Variants in PHF21A observed in about 807,000 individuals in gnomAD.
The protein encoded by PHF21A is BHC80a.
Under a neutral mutation model 82.5 loss-of-function variants are expected in PHF21A, and 11 were observed. The ratio of observed to expected loss-of-function variants is 0.13; its 90% CI spans 0.08 to 0.22. The LOEUF (loss-of-function observed/expected upper bound fraction) is 0.22, where lower values mean the gene tolerates loss of function less well. Ranked by LOEUF, PHF21A falls within the 10% of genes least tolerant of loss-of-function variation. The pLI is 1.00. For missense variants in PHF21A, 579 were observed against 837.8 expected (o/e 0.69, Z 3.81); for synonymous variants, 297 against 302.8 (o/e 0.98, Z 0.20).
At chr11:46,079,099 T>C in intron 5 of PHF21A, 35 bp downstream of exon 5, 1 of 1,321,252 alleles carries the variant, frequency 7.6e-7, no homozygotes, top group Non-Finnish European at 1.1e-6. Flanking sequence ...TATTTTTAAA[T>C]TTAACAATTA....
chr11:45,980,540 C>T lies in PHF21A; in HGVS notation c.154-574G>A, dbSNP rs982840446. 8.1e-4 allele frequency among the ~76,000 whole-genome samples: 124 copies of T among 152,206 alleles called. 1 individual carries two copies. The highest frequency in any genetic ancestry group is 3.0e-3 in the African/African-American group (123 of 41,510). On this transcript the variant is annotated intron_variant, in intron 6 of 18. Coordinates refer to ENST00000676320, the MANE Select transcript of PHF21A (RefSeq NM_001352027.3). ...AGAGATAGTGTCTCTCTATACTGCC[C>T]AGGTTGGAGTACAGTAGCTATTCAC...
At chr11:45,946,211 G>T in intron 14 of PHF21A, 1 of 1,101,640 alleles carries the variant, frequency 9.1e-7, no homozygotes, top group Non-Finnish European at 1.4e-6. Flanking sequence ...TGACTCTCAA[G>T]AGAAGGGAGG....
At chr11:46,044,168 T>G (rs1292033547) in intron 6 of PHF21A, among the ~76,000 whole-genome samples, 2 of 152,078 alleles carry the variant, frequency 1.3e-5, no homozygotes, top group Non-Finnish European at 2.9e-5. Flanking sequence ...TAGCAACTAT[T>G]AACACAAGAC....
rs1266201391 is a variant in PHF21A at position 45,974,351 on chromosome 11, A to G, written c.361-2984T>C. Among the ~76,000 whole-genome samples the G allele has an allele frequency of 2.6e-5, 4 of 152,144 alleles. No individual in the cohort carries two copies. The East Asian group carries it at 7.7e-4, about 29-fold the overall frequency. On this transcript the variant is annotated intron_variant, in intron 7 of 18. Coordinates refer to ENST00000676320, the MANE Select transcript of PHF21A (RefSeq NM_001352027.3). Reference sequence around the variant, plus strand: ...TTTAGAACTTTGAAATCCAAGTCTAATTAAAATGTCTGAACTGTTCTGGAA... The same window carrying G: ...TTTAGAACTTTGAAATCCAAGTCTAGTTAAAATGTCTGAACTGTTCTGGAA...
At chr11:45,943,511 AG>A (rs1385378801) in intron 15 of PHF21A, among the ~76,000 whole-genome samples, 1 of 152,122 alleles carries the variant, frequency 6.6e-6, no homozygotes, top group Non-Finnish European at 1.5e-5. Context: ...CAACTGCAAA[AG>A]CCTCCTAACT....
At chr11:45,940,051 C>G (rs1340670515) in intron 15 of PHF21A, among the ~76,000 whole-genome samples, 1 of 152,138 alleles carries the variant, frequency 6.6e-6, no homozygotes, top group Non-Finnish European at 1.5e-5. Flanking sequence ...CCTCCACCAC[C>G]ACTAGTGAAG....
intron 6 of PHF21A, among the ~76,000 whole-genome samples, chr11:46,016,673 A>G (rs1417666569): frequency 6.6e-6 from 1 of 152,072 alleles, no homozygotes; most frequent in East Asian, 1.9e-4. Flanking sequence ...TTTGTAGCTT[A>G]TGTTTTTCTC....
rs2135464779 is a variant in PHF21A, at chr11:45,949,424, C to T, written c.1205G>A (p.Ser402Asn). 1 of 1,614,216 alleles carries T rather than the reference C, an allele frequency of 6.2e-7. No homozygotes were observed. The change falls in exon 13 of 19, where the codon AGT becomes AAT. Residue 402 changes from serine (S) to asparagine (N), a missense_variant. Ser to Asn is a conservative substitution (Grantham distance 46). Coordinates refer to ENST00000676320, the MANE Select transcript of PHF21A (RefSeq NM_001352027.3). ...KRRTTANPVYSGAVFEPERKK... is the reference protein window; with the variant it reads ...KRRTTANPVYNGAVFEPERKK... Reference sequence around the variant, plus strand: ...TACCTCTGGCTCAAAGACTGCTCCACTGTAGACCGGATTTGCTGTTGTTCT... The same window carrying T: ...TACCTCTGGCTCAAAGACTGCTCCATTGTAGACCGGATTTGCTGTTGTTCT...
chr11:45,985,975 T>C (rs1331730441), intron 6 of PHF21A, among the ~76,000 whole-genome samples: 1 of 152,126 alleles, frequency 6.6e-6, no homozygotes, highest in Non-Finnish European at 1.5e-5. Flanking sequence ...TAAAATTCTC[T>C]GCATGGATGT....
chr11:46,042,219 C>A (rs937473373), intron 6 of PHF21A, among the ~76,000 whole-genome samples: 1 of 152,118 alleles, frequency 6.6e-6, no homozygotes, highest in Non-Finnish European at 1.5e-5. Flanking sequence ...TGTGGGAAAG[C>A]CACATGACAA....
At chr11:46,080,449 G>A (rs926913832) in intron 4 of PHF21A, among the ~76,000 whole-genome samples, 15 of 151,504 alleles carry the variant, frequency 9.9e-5, no homozygotes, top group African/African-American at 3.4e-4. Flanking sequence ...TGAGCCACCC[G>A]CCCTAACTTC....
At chr11:45,985,928 G>A (rs939361146) in intron 6 of PHF21A, among the ~76,000 whole-genome samples, 1 of 152,056 alleles carries the variant, frequency 6.6e-6, no homozygotes, top group Non-Finnish European at 1.5e-5. Flanking sequence ...GACAACAGCA[G>A]CAACTGTAAT....
At chr11:45,944,835 C>G (rs1478061054) in intron 15 of PHF21A, among the ~76,000 whole-genome samples, 1 of 152,242 alleles carries the variant, frequency 6.6e-6, no homozygotes, top group Non-Finnish European at 1.5e-5. Context: ...GGCACAATCT[C>G]TGCTCACTGC....
intron 9 of PHF21A, among the ~76,000 whole-genome samples, chr11:45,966,621 T>C (rs1016432329): frequency 3.3e-5 from 5 of 152,130 alleles, no homozygotes; most frequent in African/African-American, 1.2e-4. Flanking sequence ...TTGTTTGTTG[T>C]TGTTGTTTTT....
At chr11:46,089,613 T>C (rs979612793) in intron 3 of PHF21A, among the ~76,000 whole-genome samples, 8 of 151,986 alleles carry the variant, frequency 5.3e-5, no homozygotes, top group African/African-American at 1.4e-4. Context: ...AAGGCTGCTA[T>C]GTTAAAATTC....
intron 6 of PHF21A, among the ~76,000 whole-genome samples, chr11:46,030,024 T>C (rs1168051455): frequency 6.6e-6 from 1 of 152,230 alleles, no homozygotes; most frequent in Non-Finnish European, 1.5e-5. Context: ...ACTAAGTGTA[T>C]TACGCTCTGT....
chr11:46,067,790 G>A (rs999873828), intron 6 of PHF21A, among the ~76,000 whole-genome samples: 2 of 152,130 alleles, frequency 1.3e-5, no homozygotes, highest in Admixed American at 6.5e-5. Context: ...CACAGTCCTT[G>A]CCTGTGAGGA....
chr11:46,003,577 G>T (rs1236130544), intron 6 of PHF21A, among the ~76,000 whole-genome samples: 1 of 152,014 alleles, frequency 6.6e-6, no homozygotes, highest in Non-Finnish European at 1.5e-5. Flanking sequence ...TTTCACGAAG[G>T]GCAGAGTGAG....
At chr11:46,070,760 TA>T (rs1303560851) in intron 6 of PHF21A, among the ~76,000 whole-genome samples, 1 of 152,190 alleles carries the variant, frequency 6.6e-6, no homozygotes, top group African/African-American at 2.4e-5. Flanking sequence ...CAACAAAATT[TA>T]AAACCAAAAG....
Sources: gnomAD v4.1 joint callset for allele counts (sites outside exome capture counted in the v4.1 genomes callset) on GRCh38, gnomAD v4.1.1 for gene constraint, MANE v1.5 for transcripts, NCBI Gene and HGNC (gene_info 2026-07-23, HGNC 2026-07-21) for gene names.